MICU2: variants seen among roughly 807,000 people sequenced by gnomAD.
The protein encoded by MICU2 is calcium uptake protein 2, mitochondrial.
Under a neutral mutation model 60.4 loss-of-function variants are expected in MICU2, and 64 were observed. That is an observed-to-expected ratio of 1.06 (90% CI 0.87 to 1.31). MICU2 has a LOEUF of 1.31. Ranked by LOEUF, MICU2 falls within the 50% of genes most tolerant of loss-of-function variation. The pLI, the probability that MICU2 is intolerant of heterozygous loss-of-function variation, is 0.00. For synonymous variants in MICU2, 201 were observed against 175.0 expected (o/e 1.15, Z -1.17); for missense variants, 569 against 531.0 (o/e 1.07, Z -0.70).
At chr13:21,598,114 A>G (rs1483029956) in intron 1 of MICU2, among the ~76,000 whole-genome samples, 1 of 152,106 alleles carries the variant, frequency 6.6e-6, no homozygotes, top group Non-Finnish European at 1.5e-5. Flanking sequence ...AAAATACAGC[A>G]TTATAGAGAA....
At position 21,522,661 on chromosome 13, in the gene MICU2, T is replaced by G; in HGVS notation, c.467-11A>C. 10 of 1,586,408 alleles carry G rather than the reference T, an allele frequency of 6.3e-6. No homozygotes were observed. The highest frequency in any genetic ancestry group is 8.6e-6 in the Non-Finnish European group (10 of 1,163,372). On this transcript the variant is annotated splice_polypyrimidine_tract_variant and intron_variant, in intron 4 of 11. Coordinates refer to ENST00000382374, the MANE Select transcript of MICU2 (RefSeq NM_152726.3). ...TATATGAAATTAGCCCTGAAAGAGA[T>G]AAAAACATACCAGAAAATAAGCTTT...
chr13:21,538,082 T>A (rs1887177848), intron 4 of MICU2, among the ~76,000 whole-genome samples: 2 of 152,130 alleles, frequency 1.3e-5, no homozygotes, highest in Non-Finnish European at 2.9e-5. Context: ...CTTGGCCTTT[T>A]TTCTCTACCC....
At chr13:21,503,291 T>C (rs1886224239) in intron 8 of MICU2, among the ~76,000 whole-genome samples, 194 bp from the exon 9 acceptor site, 1 of 152,170 alleles carries the variant, frequency 6.6e-6, no homozygotes, top group Non-Finnish European at 1.5e-5. Context: ...AGTCCAACAC[T>C]GGCTTCCATC....
rs967833958 is a variant in MICU2 at position 21,503,034 on chromosome 13, C to G, written c.825G>C (p.Leu275Phe). The part of the protein sequence containing the change: ...EMEFLQFSKG[L>F]SFMRKEDFAE... ...CAAAGTCTTCTTTTCTCATGAAACT[C>G]AAACCTTTAGAAAACTGAAGGAATT... Residue 275 changes from leucine to phenylalanine, a missense_variant, in exon 9 of 12, where the codon TTG becomes TTC. Coordinates refer to ENST00000382374, the MANE Select transcript of MICU2 (RefSeq NM_152726.3). 1 of 1,609,682 alleles carries G rather than the reference C, an allele frequency of 6.2e-7. No individual in the cohort carries two copies.
chr13:21,531,273 C>T, intron 4 of MICU2: 1 of 1,552,240 alleles, frequency 6.4e-7, no homozygotes, highest in Non-Finnish European at 8.9e-7. Flanking sequence ...TGGAAGATCC[C>T]TTCAAAGCAA....
At chr13:21,568,787 A>G (rs996164208) in intron 1 of MICU2, among the ~76,000 whole-genome samples, 2 of 151,968 alleles carry the variant, frequency 1.3e-5, no homozygotes, top group African/African-American at 4.8e-5. Context: ...AGAAGTAAAA[A>G]CACTAACCTC....
Position 21,539,301 on chromosome 13 carries a change from C to G in MICU2, c.466+1G>C. On this transcript the variant is annotated splice_donor_variant, in intron 4 of 11. Coordinates refer to ENST00000382374, the MANE Select transcript of MICU2 (RefSeq NM_152726.3). LOFTEE classifies it high-confidence loss of function. The stretch of plus-strand genomic sequence containing the variant: ...GAAATTTAACAACAAACCAAAATTA[C>G]CTTTATCGCCAAGGTCTCTGAAAAA... The G allele has an allele frequency of 1.2e-6, 2 of 1,613,054 alleles. No homozygotes were observed. The highest frequency in any genetic ancestry group is 2.2e-5 in the South Asian group (2 of 90,818).
At chr13:21,540,388 T>A (rs1174412701) in intron 2 of MICU2, among the ~76,000 whole-genome samples, 1 of 152,194 alleles carries the variant, frequency 6.6e-6, no homozygotes, top group East Asian at 1.9e-4. Context: ...ATTTTGTTTC[T>A]TACATAAGCA....
At chr13:21,589,466 A>T (rs1383151029) in intron 1 of MICU2, among the ~76,000 whole-genome samples, 3 of 151,790 alleles carry the variant, frequency 2.0e-5, no homozygotes, top group Non-Finnish European at 4.4e-5. Flanking sequence ...AAGACATGTT[A>T]AAAAAACTTT....
In MICU2 at chr13:21,501,657, C is replaced by T. The variant is rs73154000; in HGVS notation, c.933+1269G>A. Among the ~76,000 whole-genome samples the T allele has an allele frequency of 2.8e-3, 422 of 152,264 alleles. 1 individual carries two copies. Among genetic ancestry groups the T allele is most frequent in the Non-Finnish European group, 4.4e-3 (297 of 68,022 alleles). ...GGATCTTTTCTGATTCCTGCACGTA[C>T]GAAAGACTGAAGTTCCTTGCCTCCC... On this transcript the variant is annotated intron_variant, in intron 9 of 11. Transcript: ENST00000382374.
intron 8 of MICU2, among the ~76,000 whole-genome samples, chr13:21,508,585 T>C (rs1421123932): frequency 6.6e-6 from 1 of 152,224 alleles, no homozygotes; most frequent in African/African-American, 2.4e-5. Flanking sequence ...GCTACCTCTA[T>C]CTTATGGTGT....
intron 1 of MICU2, among the ~76,000 whole-genome samples, chr13:21,589,731 G>T (rs773471406): frequency 7.2e-5 from 11 of 152,012 alleles, no homozygotes; most frequent in Non-Finnish European, 1.3e-4. Flanking sequence ...CTGACTTCAT[G>T]ATTCTGATCA....
At chr13:21,496,838 G>A (rs549993480) in intron 9 of MICU2, among the ~76,000 whole-genome samples, 54 of 151,852 alleles carry the variant, frequency 3.6e-4, no homozygotes, top group African/African-American at 1.3e-3. Flanking sequence ...GGCGGATCAC[G>A]AGGTCGGAAG....
At chr13:21,552,544 A>G (rs997015354) in intron 2 of MICU2, among the ~76,000 whole-genome samples, 3 of 152,146 alleles carry the variant, frequency 2.0e-5, no homozygotes, top group Non-Finnish European at 2.9e-5. Flanking sequence ...GTTTTCTTCT[A>G]GGGTTTTTAT....
chr13:21,529,096 CAA>C (rs1191377431), intron 4 of MICU2, among the ~76,000 whole-genome samples: 2 of 152,004 alleles, frequency 1.3e-5, no homozygotes, highest in African/African-American at 4.8e-5. Flanking sequence ...TATTAAGTGA[CAA>C]AGTTACTTGA....
intron 1 of MICU2, among the ~76,000 whole-genome samples, chr13:21,585,690 G>A (rs1259076038): frequency 6.6e-6 from 1 of 152,054 alleles, no homozygotes; most frequent in Non-Finnish European, 1.5e-5. Context: ...AATATTCACT[G>A]ACATGCAATA....
At chr13:21,582,328 C>T (rs1049190369) in intron 1 of MICU2, among the ~76,000 whole-genome samples, 2 of 152,164 alleles carry the variant, frequency 1.3e-5, no homozygotes, top group African/African-American at 4.8e-5. Context: ...CTAGTCTTCT[C>T]AAGTCATCAT....
chr13:21,571,858 T>C (rs940246837), intron 1 of MICU2, among the ~76,000 whole-genome samples: 3 of 152,190 alleles, frequency 2.0e-5, no homozygotes, highest in Non-Finnish European at 4.4e-5. Flanking sequence ...TAGAGGGTCT[T>C]TGAGCTATGT....
intron 2 of MICU2, among the ~76,000 whole-genome samples, chr13:21,562,244 G>A (rs1405085953): frequency 6.6e-6 from 1 of 152,052 alleles, no homozygotes; most frequent in Non-Finnish European, 1.5e-5. Flanking sequence ...GGATGGCTGG[G>A]TCAAATGGTA....
Sources: allele counts gnomAD v4.1 joint callset (sites outside exome capture counted in the v4.1 genomes callset), GRCh38; gene constraint gnomAD v4.1.1; transcripts MANE v1.5; gene names NCBI Gene and HGNC (gene_info 2026-07-23, HGNC 2026-07-21).